The following SGSM1 variants were observed in gnomAD, a reference collection of about 807,000 sequenced individuals.
The protein encoded by SGSM1 is small G protein signaling modulator 1.
A neutral mutation model predicts 133.8 loss-of-function variants in SGSM1; 73 were observed. That is an observed-to-expected ratio of 0.55 (90% confidence interval 0.45 to 0.66). The LOEUF is 0.66. SGSM1 is among the 30% of genes least tolerant of loss of function. The pLI is 0.00. For synonymous variants in SGSM1, 563 were observed against 573.0 expected (o/e 0.98, Z 0.25); for missense variants, 1,213 against 1,448.1 (o/e 0.84, Z 2.64).
At chr22:24,866,812 C>G (rs1047770751) in intron 9 of SGSM1, among the ~76,000 whole-genome samples, 5 of 152,198 alleles carry the variant, frequency 3.3e-5, no homozygotes, top group Non-Finnish European at 7.3e-5. Flanking sequence ...ATTGGCCAGG[C>G]CTGGGTCAGG....
chr22:24,837,783 C>G (rs911938449), intron 2 of SGSM1, among the ~76,000 whole-genome samples: 2 of 152,208 alleles, frequency 1.3e-5, no homozygotes, highest in African/African-American at 4.8e-5. Context: ...ACTATGTCCC[C>G]TCAGCTCCTA....
intron 19 of SGSM1, among the ~76,000 whole-genome samples, chr22:24,900,757 A>G (rs1305284500): frequency 6.6e-6 from 1 of 152,186 alleles, no homozygotes; most frequent in South Asian, 2.1e-4. Context: ...ACTTCTAACA[A>G]CTGAGGCCCT....
chr22:24,916,444 G>A (rs1256298684), intron 22 of SGSM1, among the ~76,000 whole-genome samples: 1 of 152,170 alleles, frequency 6.6e-6, no homozygotes, highest in East Asian at 1.9e-4. Flanking sequence ...TGTAATCCCA[G>A]CACTTTGGGA....
intron 2 of SGSM1, among the ~76,000 whole-genome samples, chr22:24,832,845 G>A (rs773884217): frequency 5.3e-5 from 8 of 152,126 alleles, no homozygotes; most frequent in Non-Finnish European, 1.0e-4. Context: ...CATGAGGGAA[G>A]GATCAGATCC....
At chr22:24,883,849 G>A (rs557409076) in intron 14 of SGSM1, among the ~76,000 whole-genome samples, 1 of 152,148 alleles carries the variant, frequency 6.6e-6, no homozygotes, top group African/African-American at 2.4e-5. Context: ...CCAGGTACTC[G>A]AGAGGCTGTG....
chr22:24,877,809 T>C (rs1348297166), intron 13 of SGSM1, among the ~76,000 whole-genome samples: 3 of 123,154 alleles, frequency 2.4e-5, no homozygotes, highest in Admixed American at 8.1e-5. Context: ...TTTCTTTTTT[T>C]TTTTTTTTTT....
chr22:24,809,290 C>A (rs540516592), intron 2 of SGSM1, among the ~76,000 whole-genome samples: 2 of 152,332 alleles, frequency 1.3e-5, no homozygotes, highest in African/African-American at 4.8e-5. Flanking sequence ...CCCTCCTCCC[C>A]ACTCTCTGGG....
chr22:24,873,277 A>G (rs1017305681), intron 12 of SGSM1, among the ~76,000 whole-genome samples: 17 of 151,892 alleles, frequency 1.1e-4, no homozygotes, highest in East Asian at 1.9e-4. Flanking sequence ...TTGTGTTTCT[A>G]TTGGGTAATG....
chr22:24,855,835 A>G lies in SGSM1; in HGVS notation c.801+155A>G, dbSNP rs758137174. 8.9e-6 allele frequency: 10 copies of G among 1,126,364 alleles called. No homozygotes were observed. The South Asian group carries it at 1.2e-4, about 13-fold the overall frequency. 69.8% of individuals were successfully genotyped at this position (1,126,364 alleles called of 1,614,324 possible). A position where few individuals can be genotyped will look rare whatever the true frequency, so the allele number is the denominator to read the frequency against. ...CCGCCCAACACTCATTCATCCATCC[A>G]TCTATATTTACACGCACCCATCCTT... On this transcript the variant is annotated intron_variant, in intron 8 of 24. Transcript: ENST00000400358.
In SGSM1 at chr22:24,880,491, T is replaced by G. The variant is rs117394202; in HGVS notation, c.1495+965T>G. Among the ~76,000 whole-genome samples, 126 of 152,332 alleles carry G rather than the reference T, an allele frequency of 8.3e-4. 1 individual carries two copies. The highest frequency in any genetic ancestry group is 1.3e-3 in the Non-Finnish European group (91 of 68,026). On this transcript the variant is annotated intron_variant, in intron 14 of 24. Coordinates refer to ENST00000400358, the MANE Select transcript of SGSM1 (RefSeq NM_001098497.3). The stretch of plus-strand genomic sequence containing the variant: ...AGCCTGACAGCCTAGATGGGGAAGA[T>G]AAAACGTGTGTGTATTTTCAGGAAT...
chr22:24,849,178 G>C (rs1017535729), intron 4 of SGSM1, among the ~76,000 whole-genome samples: 1 of 151,888 alleles, frequency 6.6e-6, no homozygotes, highest in Non-Finnish European at 1.5e-5. Context: ...CAGTGTGCTG[G>C]GCCCTGGAGA....
chr22:24,818,093 G>A (rs558591061), intron 2 of SGSM1, among the ~76,000 whole-genome samples: 200 of 119,200 alleles, frequency 1.7e-3, no homozygotes, highest in Non-Finnish European at 2.9e-3. Flanking sequence ...TTAGCCGGGC[G>A]TGGTGGTGGG....
chr22:24,917,770 T>C lies in SGSM1; in HGVS notation c.3025+16T>C, dbSNP rs1416826399. 6.2e-7 allele frequency: 1 copy of C among 1,603,302 alleles called. No individual in the cohort carries two copies. The highest frequency in any genetic ancestry group is 1.3e-5 in the African/African-American group (1 of 74,840). On this transcript the variant is annotated intron_variant, in intron 23 of 24. Transcript: ENST00000400358. ...TTCAAGCGAGGTACAGACTTTAAAT[T>C]GGGGACCTGTGTCCAGACTCTTTGT...
Position 24,837,019 on chromosome 22 carries a change from A to T in SGSM1, c.64-7878A>T, listed in dbSNP as rs187235277. On this transcript the variant is annotated intron_variant, in intron 2 of 24. Transcript: ENST00000400358. ...ATCCAATGTTGTAGGGACCAGCCCC[A>T]CAGGGTCGGTGGGTCTCTCCCTGTG... is the stretch of plus-strand genomic sequence containing the variant. Among the ~76,000 whole-genome samples, 741 of 152,318 alleles carry T rather than the reference A, an allele frequency of 4.9e-3. 8 individuals are homozygous for T. The highest frequency in any genetic ancestry group is 0.017 in the African/African-American group (699 of 41,582).
intron 22 of SGSM1, among the ~76,000 whole-genome samples, chr22:24,914,624 C>T (rs982004043): frequency 2.6e-5 from 4 of 152,162 alleles, no homozygotes; most frequent in Admixed American, 2.6e-4. Flanking sequence ...AATTCTTTTA[C>T]AATATATGCA....
At chr22:24,886,579 G>C (rs1197949587) in intron 15 of SGSM1, 21 bp from the exon 16 acceptor site, 13 of 1,550,054 alleles carry the variant, frequency 8.4e-6, no homozygotes, top group Non-Finnish European at 1.1e-5. Context: ...CAAACTCTTT[G>C]CTCCTCTCCA....
intron 3 of SGSM1, among the ~76,000 whole-genome samples, chr22:24,845,610 T>G (rs1204538533): frequency 2.0e-5 from 3 of 152,202 alleles, no homozygotes; most frequent in Admixed American, 6.5e-5. Context: ...AATTGGAGTG[T>G]CTCATAATGC....
At chr22:24,893,641 C>T (rs200015368) in intron 17 of SGSM1, 28 bp downstream of exon 17, 35 of 1,529,454 alleles carry the variant, frequency 2.3e-5, no homozygotes, top group South Asian at 1.7e-4. Context: ...TCGGGGAGCG[C>T]GGGGGCTGGG....
Position 24,912,894 on chromosome 22 carries a change from C to T in SGSM1, c.2928+142C>T. The T allele has an allele frequency of 5.0e-6, 3 of 604,814 alleles. No homozygotes were observed. In the South Asian group the frequency reaches 6.4e-5, roughly 13 times the overall value. 37.5% of individuals were successfully genotyped at this position (604,814 alleles called of 1,614,324 possible). On this transcript the variant is annotated intron_variant, in intron 22 of 24. Transcript: ENST00000400358. ...CTGCCATACAAACTCAGCATATACT[C>T]TTATCTCTGTGGGCCTCAGTTTTCT...
Sources: gnomAD v4.1 joint callset for allele counts (sites outside exome capture counted in the v4.1 genomes callset) on GRCh38, gnomAD v4.1.1 for gene constraint, MANE v1.5 for transcripts, NCBI Gene and HGNC (gene_info 2026-07-23, HGNC 2026-07-21) for gene names.